ASTN2: variants seen among roughly 807,000 people sequenced by gnomAD.
ASTN2 encodes astrotactin 2.
A neutral mutation model predicts 139.8 loss-of-function variants in ASTN2; 54 were observed. The ratio of observed to expected loss-of-function variants is 0.39; its 90% CI spans 0.31 to 0.48. The LOEUF (loss-of-function observed/expected upper bound fraction) is 0.48. Ranked by LOEUF, ASTN2 falls within the 20% of genes least tolerant of loss-of-function variation. The probability of loss-of-function intolerance (pLI) is 0.95; values close to 1 mark genes in which losing one functional copy is unlikely to be tolerated. For missense variants in ASTN2, 1,565 were observed against 1,725.1 expected, an observed-to-expected ratio of 0.91 and a Z score of 1.64; for synonymous variants, 756 against 719.5, an observed-to-expected ratio of 1.05 and a Z score of -0.81.
intron 20 of ASTN2, among the ~76,000 whole-genome samples, chr9:116,481,597 T>A (rs949303272): frequency 6.6e-6 from 1 of 152,164 alleles, no homozygotes; most frequent in African/African-American, 2.4e-5. Context: ...TGATAACCCT[T>A]CACACGTGTA....
rs967267800 is a variant in ASTN2, at chr9:116,612,906, A to C, written c.3355+5418T>G. 4.6e-5 allele frequency: 7 copies of C among 151,500 alleles called. No individual in the cohort carries two copies. The East Asian group carries it at 5.8e-4, about 13-fold the overall frequency. 9.4% of individuals were successfully genotyped at this position (151,500 alleles called of 1,614,324 possible). Reference sequence around the variant, plus strand: ...AGGAGATAGAGACAAAAAAAAAAAAACCCTTCAAAAAATCAATGAATCCAG... The same window carrying C: ...AGGAGATAGAGACAAAAAAAAAAAACCCCTTCAAAAAATCAATGAATCCAG... On this transcript the variant is annotated intron_variant, in intron 19 of 22. Coordinates refer to ENST00000313400, the MANE Select transcript of ASTN2 (RefSeq NM_001365068.1).
intron 19 of ASTN2, among the ~76,000 whole-genome samples, chr9:116,532,614 A>G (rs1851406492): frequency 6.6e-6 from 1 of 152,230 alleles, no homozygotes; most frequent in East Asian, 1.9e-4. Context: ...TTTGTTAAAT[A>G]AGGAATCCTT....
intron 19 of ASTN2, among the ~76,000 whole-genome samples, chr9:116,531,169 A>G (rs1003549766): frequency 5.3e-5 from 8 of 152,114 alleles, no homozygotes; most frequent in Non-Finnish European, 1.0e-4. Flanking sequence ...GTCGATGGAA[A>G]CACTTATCAT....
chr9:116,601,181 T>G (rs7847553), intron 19 of ASTN2, among the ~76,000 whole-genome samples: 102,895 of 152,068 alleles, frequency 0.68, 35,178 homozygotes, highest in African/African-American at 0.78. Flanking sequence ...TGAGACCTCA[T>G]TGTACAGACC....
chr9:116,712,637 G>A (rs1026791300), intron 16 of ASTN2, among the ~76,000 whole-genome samples: 2 of 152,132 alleles, frequency 1.3e-5, no homozygotes, highest in African/African-American at 4.8e-5. Context: ...AGAAAGTGGG[G>A]TATGGTTGAA....
At chr9:117,317,638 C>T (rs1002486988) in intron 1 of ASTN2, among the ~76,000 whole-genome samples, 2 of 152,150 alleles carry the variant, frequency 1.3e-5, no homozygotes, top group African/African-American at 4.8e-5. Context: ...AGTGTCAAGC[C>T]CAGGGCTCTT....
intron 4 of ASTN2, among the ~76,000 whole-genome samples, chr9:117,139,440 A>G (rs1360225308): frequency 1.3e-5 from 2 of 152,230 alleles, no homozygotes; most frequent in African/African-American, 4.8e-5. Context: ...TCTGACTTTA[A>G]GGTGACTGCT....
At chr9:117,046,327 C>A (rs1219761871) in intron 5 of ASTN2, among the ~76,000 whole-genome samples, 1 of 152,088 alleles carries the variant, frequency 6.6e-6, no homozygotes, top group Non-Finnish European at 1.5e-5. Context: ...ATGTGGATAT[C>A]TAAATCCAAA....
intron 1 of ASTN2, among the ~76,000 whole-genome samples, chr9:117,296,032 C>A (rs1299374763): frequency 6.6e-6 from 1 of 151,886 alleles, no homozygotes; most frequent in East Asian, 1.9e-4. Context: ...GTAATACCTG[C>A]ACTTTGGGAG....
intron 13 of ASTN2, among the ~76,000 whole-genome samples, chr9:116,749,868 G>C (rs1484260355): frequency 6.6e-6 from 1 of 152,112 alleles, no homozygotes; most frequent in Admixed American, 6.5e-5. Context: ...CTCATTATGT[G>C]ATATGCCCAG....
At chr9:116,872,737 G>A (rs1264677767) in intron 10 of ASTN2, among the ~76,000 whole-genome samples, 1 of 152,130 alleles carries the variant, frequency 6.6e-6, no homozygotes, top group Non-Finnish European at 1.5e-5. Context: ...TAGGTAAAGG[G>A]GGATAAATAG....
At chr9:117,138,219 C>G (rs981153449) in intron 4 of ASTN2, among the ~76,000 whole-genome samples, 1 of 151,874 alleles carries the variant, frequency 6.6e-6, no homozygotes, top group Non-Finnish European at 1.5e-5. Flanking sequence ...AGGAGGGTGA[C>G]GTAAGAGATA....
intron 2 of ASTN2, among the ~76,000 whole-genome samples, chr9:117,246,572 T>C (rs1368049796): frequency 6.6e-6 from 1 of 152,198 alleles, no homozygotes; most frequent in Non-Finnish European, 1.5e-5. Context: ...AAATTGTCCA[T>C]TCAATAACTT....
intron 19 of ASTN2, among the ~76,000 whole-genome samples, chr9:116,520,960 GACCTCT>G (rs1489562296): frequency 1.3e-5 from 2 of 152,008 alleles, no homozygotes; most frequent in African/African-American, 4.8e-5. Flanking sequence ...GGATGTGAAA[GACCTCT>G]ACATGGAAAA....
At chr9:116,535,942 G>T (rs1180924587) in intron 19 of ASTN2, among the ~76,000 whole-genome samples, 1 of 152,174 alleles carries the variant, frequency 6.6e-6, no homozygotes, top group African/African-American at 2.4e-5. Flanking sequence ...ATAACATCCT[G>T]CAGAGTGTTT....
chr9:116,464,689 TGC>T (rs1379606084), intron 20 of ASTN2, among the ~76,000 whole-genome samples: 1 of 152,204 alleles, frequency 6.6e-6, no homozygotes, highest in African/African-American at 2.4e-5. Context: ...GAGTTCTGTG[TGC>T]CAGTTGAGTC....
intron 19 of ASTN2, among the ~76,000 whole-genome samples, chr9:116,549,668 G>A (rs1416851183): frequency 6.6e-6 from 1 of 152,176 alleles, no homozygotes; most frequent in East Asian, 1.9e-4. Context: ...AAATGGGGCA[G>A]CAGACCCTGT....
chr9:117,362,036 G>A (rs1472057443), intron 1 of ASTN2, among the ~76,000 whole-genome samples: 9 of 152,068 alleles, frequency 5.9e-5, no homozygotes, highest in Admixed American at 2.6e-4. Context: ...GTGCAGTAGC[G>A]CAATCTCTGC....
intron 1 of ASTN2, among the ~76,000 whole-genome samples, chr9:117,334,803 T>C (rs1449690191): frequency 4.6e-5 from 7 of 152,150 alleles, no homozygotes; most frequent in Non-Finnish European, 1.0e-4. Flanking sequence ...CCTGTAATCC[T>C]AGCACTTTGG....
Sources: allele counts gnomAD v4.1 joint callset (sites outside exome capture counted in the v4.1 genomes callset), GRCh38; gene constraint gnomAD v4.1.1; transcripts MANE v1.5; gene names NCBI Gene and HGNC (gene_info 2026-07-23, HGNC 2026-07-21).